HEATR3: variants seen among roughly 807,000 people sequenced by gnomAD.
HEATR3 encodes the protein HEAT repeat-containing protein 3.
HEATR3 carries 56 observed loss-of-function variants against 72.8 expected under a neutral mutation model. The ratio of observed to expected loss-of-function variants is 0.77; its 90% CI spans 0.62 to 0.96. HEATR3 has a LOEUF of 0.96. HEATR3 is among the 40% of genes least tolerant of loss of function. The probability of loss-of-function intolerance (pLI) is 0.00; values close to 1 mark genes in which losing one functional copy is unlikely to be tolerated. For synonymous variants in HEATR3, 331 were observed against 318.1 expected (o/e 1.04, Z -0.43); for missense variants, 747 against 831.4 (o/e 0.90, Z 1.25).
intron 12 of HEATR3, among the ~76,000 whole-genome samples, chr16:50,095,994 C>A (rs185450046): frequency 6.6e-6 from 1 of 152,180 alleles, no homozygotes; most frequent in East Asian, 1.9e-4. Flanking sequence ...TTCCCAGCTG[C>A]AGTCTAAGTT....
intron 12 of HEATR3, among the ~76,000 whole-genome samples, chr16:50,096,789 ACT>A (rs2150624210): frequency 6.6e-6 from 1 of 152,176 alleles, no homozygotes; most frequent in East Asian, 1.9e-4. Flanking sequence ...ACAGAGGGAG[ACT>A]CTGTCTCAAA....
chr16:50,086,380 G>A lies in HEATR3; in HGVS notation c.1510+29G>A, dbSNP rs142518840. The A allele has an allele frequency of 3.7e-5, 59 of 1,589,268 alleles. No individual in the cohort carries two copies. In the East Asian group the frequency reaches 5.4e-4, roughly 14 times the overall value. On this transcript the variant is annotated intron_variant, in intron 11 of 14. Coordinates refer to ENST00000299192, the MANE Select transcript of HEATR3 (RefSeq NM_182922.4). ...TTTAGACTTTATTGCGAAAGACTAC[G>A]CAGACGGAACAGAATTTTGAAGGGG...
rs1392948677 is a variant in HEATR3, at chr16:50,106,423, A to C, written c.*1362A>C. 1.3e-5 allele frequency: 2 copies of C among 152,222 alleles called. No individual in the cohort carries two copies. Among genetic ancestry groups the C allele is most frequent in the African/African-American group, 2.4e-5 (1 of 41,462 alleles). 9.4% of individuals were successfully genotyped at this position (152,222 alleles called of 1,614,324 possible). ...TTACAAAATCTTTTTTAAGATACCA[A>C]ATAAAGGGTTATTAGTAGAAAATGA... is the stretch of plus-strand genomic sequence containing the variant. On this transcript the variant is annotated 3_prime_UTR_variant, in exon 15 of 15. Transcript: ENST00000299192.
At chr16:50,079,805 C>T (rs1205542919) in intron 7 of HEATR3, among the ~76,000 whole-genome samples, 1 of 152,208 alleles carries the variant, frequency 6.6e-6, no homozygotes, top group African/African-American at 2.4e-5. Context: ...TTCCAGCCTT[C>T]AGGAACTTCC....
chr16:50,071,541 C>G (rs2036611334), intron 4 of HEATR3, among the ~76,000 whole-genome samples: 1 of 152,158 alleles, frequency 6.6e-6, no homozygotes, highest in Non-Finnish European at 1.5e-5. Flanking sequence ...TTTCTCTTTT[C>G]TGAATACCTA....
intron 2 of HEATR3, 21 bp downstream of exon 2, chr16:50,066,560 G>GCCC: frequency 7.8e-7 from 1 of 1,281,698 alleles, no homozygotes; most frequent in Non-Finnish European, 9.8e-7. Context: ...AAGGGTGCGG[G>GCCC]GCGGTGCCCA....
intron 11 of HEATR3, among the ~76,000 whole-genome samples, chr16:50,091,767 G>A (rs984492048): frequency 1.3e-5 from 2 of 151,438 alleles, no homozygotes; most frequent in African/African-American, 4.9e-5. Flanking sequence ...CCAGCTACTC[G>A]GGAGGCTGAG....
At chr16:50,071,185 C>G (rs537370664) in intron 4 of HEATR3, among the ~76,000 whole-genome samples, 9 of 152,018 alleles carry the variant, frequency 5.9e-5, no homozygotes, top group African/African-American at 2.2e-4. Flanking sequence ...TTTTTCTGCC[C>G]CATTTTATGT....
In HEATR3 at chr16:50,079,663, G is replaced by A. The variant is rs191645008; in HGVS notation, c.1041+645G>A. Among the ~76,000 whole-genome samples, 4 of 152,310 alleles carry A rather than the reference G, an allele frequency of 2.6e-5. No homozygotes were observed. In the East Asian group the frequency reaches 7.7e-4, roughly 29 times the overall value. On this transcript the variant is annotated intron_variant, in intron 7 of 14. Transcript: ENST00000299192. Reference sequence around the variant, plus strand: ...GTGTTTTGGGAGAACACTTTGTTAAGGAGGAGAGCAAATAGGAAGACGGGG... The same window carrying A: ...GTGTTTTGGGAGAACACTTTGTTAAAGAGGAGAGCAAATAGGAAGACGGGG...
chr16:50,068,213 A>G (rs1246023953), intron 2 of HEATR3, among the ~76,000 whole-genome samples: 1 of 152,188 alleles, frequency 6.6e-6, no homozygotes, highest in Non-Finnish European at 1.5e-5. Flanking sequence ...TGTACTCGGA[A>G]GTCATGTCTT....
chr16:50,100,276 A>G lies in HEATR3; in HGVS notation c.1646A>G (p.His549Arg). The change falls in exon 13 of 15, where the codon CAT becomes CGT. Residue 549 changes from histidine to arginine, a missense_variant. His to Arg is a conservative substitution (Grantham distance 29). Around this residue, in one of 2 missense-constraint regions of HEATR3, gnomAD observed 586 missense variants for 708.8 expected, o/e 0.83. Transcript: ENST00000299192. ...ATGACATTATGCAAAGCAGGCATTCATAGTAGTAATGTCGGGGTTAGAGTG... is the reference window on the plus strand; with the variant it reads ...ATGACATTATGCAAAGCAGGCATTCGTAGTAGTAATGTCGGGGTTAGAGTG... Reference protein sequence around the residue: ...QLMTLCKAGIHSSNVGVRVNV... With the variant: ...QLMTLCKAGIRSSNVGVRVNV... 5 of 1,613,998 alleles carry G rather than the reference A, an allele frequency of 3.1e-6. No homozygotes were observed. Among genetic ancestry groups the G allele is most frequent in the Non-Finnish European group, 4.2e-6 (5 of 1,179,898 alleles).
At chr16:50,075,739 A>G (rs779782668) in intron 6 of HEATR3, 28 bp downstream of exon 6, 2 of 1,592,228 alleles carry the variant, frequency 1.3e-6, no homozygotes, top group Admixed American at 1.7e-5. Flanking sequence ...GGCATAGTAT[A>G]TTGTTTCAGT....
At chr16:50,067,021 A>C (rs777409319) in intron 2 of HEATR3, among the ~76,000 whole-genome samples, 11 of 152,136 alleles carry the variant, frequency 7.2e-5, no homozygotes, top group Non-Finnish European at 1.2e-4. Context: ...TGCTGTGGGA[A>C]AACGAGATGA....
intron 13 of HEATR3, 39 bp from the exon 14 acceptor site, chr16:50,102,220 C>T (rs1255567922): frequency 8.4e-6 from 13 of 1,551,266 alleles, no homozygotes; most frequent in Non-Finnish European, 8.8e-7. Flanking sequence ...GTTTTGGAGA[C>T]TGGTGTTAGT....
At chr16:50,083,815 A>G (rs2036923931) in intron 7 of HEATR3, 122 bp from the exon 8 acceptor site, 5 of 742,050 alleles carry the variant, frequency 6.7e-6, no homozygotes, top group African/African-American at 1.8e-5. Flanking sequence ...TACCTACCCC[A>G]TTCCCCGTGT....
intron 13 of HEATR3, 87 bp downstream of exon 13, chr16:50,100,460 G>A: frequency 1.5e-6 from 2 of 1,334,276 alleles, no homozygotes; most frequent in East Asian, 2.4e-5. Context: ...AAACTTGTGT[G>A]GACTTGAAGA....
chr16:50,082,834 ACT>A (rs747715854), intron 7 of HEATR3, among the ~76,000 whole-genome samples: 47 of 149,414 alleles, frequency 3.1e-4, no homozygotes, highest in Non-Finnish European at 5.3e-4. Flanking sequence ...ATGGAGTCTC[ACT>A]CTGTTGCACA....
At position 50,087,642 on chromosome 16, in the gene HEATR3, G is replaced by T. The variant is rs1273218115; in HGVS notation, c.1510+1291G>T. Among the ~76,000 whole-genome samples, 3 of 152,218 alleles carry T rather than the reference G, an allele frequency of 2.0e-5. 1 individual carries two copies. Among genetic ancestry groups the T allele is most frequent in the South Asian group, 4.1e-4 (2 of 4,830 alleles). On this transcript the variant is annotated intron_variant, in intron 11 of 14. Coordinates refer to ENST00000299192, the MANE Select transcript of HEATR3 (RefSeq NM_182922.4). Reference sequence around the variant, plus strand: ...CATTGCTGGAGCGAGGGTAGCCTGGGAGGTGGGAATCTGCCCCTCTCTCTC... The same window carrying T: ...CATTGCTGGAGCGAGGGTAGCCTGGTAGGTGGGAATCTGCCCCTCTCTCTC...
rs2036580250 is a variant in HEATR3, at chr16:50,070,216, G to A, written c.438G>A (p.Gln146=). 6.2e-7 allele frequency: 1 copy of A among 1,609,058 alleles called. No individual in the cohort carries two copies. The highest frequency in any genetic ancestry group is 1.3e-5 in the African/African-American group (1 of 74,818). Residue 146 remains glutamine (Q), a synonymous_variant, in exon 4 of 15, where the codon CAG becomes CAA. Coordinates refer to ENST00000299192, the MANE Select transcript of HEATR3 (RefSeq NM_182922.4). The stretch of plus-strand genomic sequence containing the variant: ...TGGATTCAAATGAGATGTCTCTGCA[G>A]GAGAAAAAAGATCAGAACAGAAATT... ...AGLDSNEMSL[Q]EKKDQNRNSI... is the part of the protein sequence containing the mutation.
Sources: allele counts gnomAD v4.1 joint callset (sites outside exome capture counted in the v4.1 genomes callset), GRCh38; gene constraint gnomAD v4.1.1; regional missense constraint gnomAD v4.1.1; transcripts MANE v1.5; gene names NCBI Gene and HGNC (gene_info 2026-07-23, HGNC 2026-07-21).